The following FAT1 variants were observed in gnomAD, a reference collection of about 807,000 sequenced individuals.
The protein encoded by FAT1 is protocadherin Fat 1.
In FAT1, 171 loss-of-function variants were observed where a neutral mutation model predicts 329.8. That is an observed-to-expected ratio of 0.52 (90% CI 0.46 to 0.59). FAT1 has a LOEUF of 0.59. Ranked by LOEUF, FAT1 falls within the 20% of genes least tolerant of loss-of-function variation. The pLI is 0.00. For synonymous variants in FAT1, 2,233 were observed against 2,228.6 expected (o/e 1.00, Z -0.06); for missense variants, 5,672 against 5,774.4 (o/e 0.98, Z 0.57).
At chr4:186,704,610 A>G (rs776910889) in intron 2 of FAT1, among the ~76,000 whole-genome samples, 1 of 152,232 alleles carries the variant, frequency 6.6e-6, no homozygotes, top group Non-Finnish European at 1.5e-5. Flanking sequence ...AAAAGTAGGA[A>G]TAACTGTTCT....
Position 186,589,130 on chromosome 4 carries a change from G to A in FAT1, c.13229C>T (p.Thr4410Ile), listed in dbSNP as rs369899641. 1.2e-6 allele frequency: 2 copies of A among 1,613,762 alleles called. No homozygotes were observed. Among genetic ancestry groups the A allele is most frequent in the African/African-American group, 2.7e-5 (2 of 74,900 alleles). The stretch of plus-strand genomic sequence containing the variant: ...GTTTGGATCTGCTGAGTACAGGGGT[G>A]TCTGCTCATCAATCACCTCATAGTT... ...FPNYEVIDEQ[T>I]PLYSADPNAI... The change falls in exon 27 of 27, where the codon ACA becomes ATA. Residue 4410 changes from threonine (T) to isoleucine (I), a missense_variant. Physicochemically the swap from Thr to Ile is moderately conservative, Grantham distance 89 (BLOSUM62 -1). Transcript: ENST00000441802.
At chr4:186,615,991 C>T (rs754863392) in intron 11 of FAT1, among the ~76,000 whole-genome samples, 60 of 152,128 alleles carry the variant, frequency 3.9e-4, no homozygotes, top group Non-Finnish European at 1.9e-4. Context: ...CTCCTCTTTG[C>T]CACGGCCTTG....
At chr4:186,589,372 A>G (rs937017193) in intron 26 of FAT1, among the ~76,000 whole-genome samples, 152 bp from the exon 27 acceptor site, 2 of 152,174 alleles carry the variant, frequency 1.3e-5, no homozygotes, top group Non-Finnish European at 2.9e-5. Context: ...TTTGCTTTGA[A>G]GACATCCCCC....
At position 186,628,889 on chromosome 4, in the gene FAT1, C is replaced by A. The variant is rs945347058; in HGVS notation, c.4324-126G>T. 3 of 846,448 alleles carry A rather than the reference C, an allele frequency of 3.5e-6. No homozygotes were observed. The African/African-American group carries it at 5.1e-5, about 14-fold the overall frequency. 52.4% of individuals were successfully genotyped at this position (846,448 alleles called of 1,614,324 possible). A position where few individuals can be genotyped will look rare whatever the true frequency, so the allele number is the denominator to read the frequency against. ...GTGGCAAAATAAAATACGAGAAAGG[C>A]AACAAAAACCTAGAATCATACATTT... On this transcript the variant is annotated intron_variant, in intron 7 of 26. Transcript: ENST00000441802.
chr4:186,621,795 T>C lies in FAT1; in HGVS notation c.4811-20A>G, dbSNP rs1472318564. On this transcript the variant is annotated intron_variant, in intron 9 of 26. Coordinates refer to ENST00000441802, the MANE Select transcript of FAT1 (RefSeq NM_005245.4). ...TATTTCCTGGAAGGAGAGGAAAAAA[T>C]ACATGTTACAGAAAAACACAAGGGG... is the stretch of plus-strand genomic sequence containing the variant. The C allele has an allele frequency of 6.1e-6, 9 of 1,477,014 alleles. No individual in the cohort carries two copies. The highest frequency in any genetic ancestry group is 8.1e-6 in the Non-Finnish European group (9 of 1,106,728). The allele number at this position is 1,477,014 out of a possible 1,614,324, so 91.5% of individuals were successfully genotyped here. A position where few individuals can be genotyped will look rare whatever the true frequency, so the allele number is the denominator to read the frequency against.
rs371845313 is a variant in FAT1 at position 186,600,243 on chromosome 4, C to T, written c.11758G>A (p.Gly3920Arg). ...TCTAGAACCAAGCGAGCATAGTTTC[C>T]ATTCACTTCCAGGGCCACTGCGTGC... ...QWHAVALEVN[G>R]NYARLVLDQV... is the part of the protein sequence containing the mutation. The change falls in exon 22 of 27, where the codon GGA becomes AGA. Residue 3920 changes from glycine to arginine, a missense_variant. Transcript: ENST00000441802. The T allele has an allele frequency of 1.4e-4, 220 of 1,613,880 alleles. No individual in the cohort carries two copies. Among genetic ancestry groups the T allele is most frequent in the Non-Finnish European group, 1.8e-4 (207 of 1,179,884 alleles).
rs1306531586 is a variant in FAT1 at position 186,620,020 on chromosome 4, G to C, written c.6566C>G (p.Ala2189Gly). The C allele has an allele frequency of 1.2e-6, 2 of 1,613,900 alleles. No individual in the cohort carries two copies. The highest frequency in any genetic ancestry group is 1.3e-5 in the African/African-American group (1 of 74,922). The change falls in exon 10 of 27, where the codon GCA becomes GGA. Residue 2189 changes from alanine (A) to glycine (G), a missense_variant. Around this residue, in one of 2 missense-constraint regions of FAT1, gnomAD observed 3,966 missense variants for 3,915.2 expected, o/e 1.01. Transcript: ENST00000441802. ...MPVFEKPFYS[A>G]EIAESIQVHS... ...CACCTGGATGCTCTCTGCAATCTCT[G>C]CACTGTAGAAAGGTTTTTCAAACAC...
At chr4:186,643,867 A>G (rs1236522746) in intron 3 of FAT1, among the ~76,000 whole-genome samples, 1 of 147,080 alleles carries the variant, frequency 6.8e-6, no homozygotes, top group Non-Finnish European at 1.5e-5. Context: ...TACCCACTAC[A>G]TGTTATTAAC....
intron 3 of FAT1, among the ~76,000 whole-genome samples, chr4:186,657,591 T>C (rs1035054263): frequency 3.3e-5 from 5 of 152,150 alleles, no homozygotes; most frequent in South Asian, 2.1e-4. Flanking sequence ...GTAAAAGCTA[T>C]GTGAAAGCTT....
At chr4:186,631,735 T>C (rs1327557509) in intron 7 of FAT1, among the ~76,000 whole-genome samples, 9 of 148,726 alleles carry the variant, frequency 6.1e-5, no homozygotes, top group African/African-American at 2.3e-4. Flanking sequence ...CCCAGGTGAC[T>C]CCTCTGCTTT....
intron 26 of FAT1, among the ~76,000 whole-genome samples, chr4:186,593,915 ACT>A (rs1286228942): frequency 2.0e-5 from 3 of 151,986 alleles, no homozygotes; most frequent in Admixed American, 6.5e-5. Flanking sequence ...GCAGGAACAG[ACT>A]CTCAGCAGAC....
intron 2 of FAT1, among the ~76,000 whole-genome samples, chr4:186,682,330 C>T (rs1041215206): frequency 1.3e-5 from 2 of 151,982 alleles, no homozygotes; most frequent in African/African-American, 4.8e-5. Context: ...AGTTCGAGAA[C>T]AGCCTGGTCA....
intron 3 of FAT1, among the ~76,000 whole-genome samples, chr4:186,659,946 C>A (rs185222610): frequency 1.3e-5 from 2 of 150,586 alleles, no homozygotes; most frequent in African/African-American, 4.9e-5. Flanking sequence ...CGACGCTGGG[C>A]GCTCCTGCAC....
Position 186,709,354 on chromosome 4 carries a change from T to C in FAT1, c.474A>G (p.Leu158=), listed in dbSNP as rs1744832323. Residue 158 remains leucine, a synonymous_variant, in exon 2 of 27, where the codon TTA becomes TTG. Coordinates refer to ENST00000441802, the MANE Select transcript of FAT1 (RefSeq NM_005245.4). ...LFSPTSYSVS[L]PENTAIRTSI... is the part of the protein sequence containing the mutation. Reference sequence around the variant, plus strand: ...TGGTCCTTATAGCTGTGTTTTCAGGTAAAGAAACGCTGTATGAGGTGGGTG... The same window carrying C: ...TGGTCCTTATAGCTGTGTTTTCAGGCAAAGAAACGCTGTATGAGGTGGGTG... The C allele has an allele frequency of 6.2e-7, 1 of 1,613,970 alleles. No individual in the cohort carries two copies. The highest frequency in any genetic ancestry group is 8.5e-7 in the Non-Finnish European group (1 of 1,179,876).
rs372592957 is a variant in FAT1 at position 186,628,472 on chromosome 4, C to T, written c.4599+16G>A. 189 of 1,613,430 alleles carry T rather than the reference C, an allele frequency of 1.2e-4. No individual in the cohort carries two copies. The highest frequency in any genetic ancestry group is 1.3e-4 in the Non-Finnish European group (155 of 1,179,464). ...TCAGGACCAAATGGTGGGAGGAGAG[C>T]GGGTAGAGCGCCTACCATGACCGTG... On this transcript the variant is annotated intron_variant, in intron 8 of 26. Transcript: ENST00000441802.
intron 2 of FAT1, among the ~76,000 whole-genome samples, chr4:186,692,954 C>T (rs1743856793): frequency 6.6e-6 from 1 of 152,140 alleles, no homozygotes. Flanking sequence ...TCTCCAATTC[C>T]TTTGGGGGTA....
At chr4:186,597,399 CAT>C in intron 24 of FAT1, 2 of 587,566 alleles carry the variant, frequency 3.4e-6, no homozygotes. Context: ...GGGAAGGAAA[CAT>C]ATCAAGCCAA....
chr4:186,633,944 A>C, intron 6 of FAT1, 121 bp from the exon 7 acceptor site: 4 of 1,028,678 alleles, frequency 3.9e-6, no homozygotes, highest in Admixed American at 2.6e-5. Context: ...AGAGCTTCCA[A>C]GGAGGAGCAT....
rs758772679 is a variant in FAT1, at chr4:186,633,672, T to C, written c.4323+12A>G. 1.2e-6 allele frequency: 2 copies of C among 1,613,812 alleles called. No individual in the cohort carries two copies. The highest frequency in any genetic ancestry group is 2.2e-5 in the East Asian group (1 of 44,866). Reference sequence around the variant, plus strand: ...CCTCCTCTGACAAGTGTGTCATTAGTAATTCACTTACCTGAGTGAGGATAG... The same window carrying C: ...CCTCCTCTGACAAGTGTGTCATTAGCAATTCACTTACCTGAGTGAGGATAG... On this transcript the variant is annotated intron_variant, in intron 7 of 26. Transcript: ENST00000441802.
Sources: gnomAD v4.1 joint callset for allele counts (sites outside exome capture counted in the v4.1 genomes callset) on GRCh38, gnomAD v4.1.1 for gene constraint, gnomAD v4.1.1 regional missense constraint, MANE v1.5 for transcripts, NCBI Gene and HGNC (gene_info 2026-07-23, HGNC 2026-07-21) for gene names.